ZFAND3: variants seen among roughly 807,000 people sequenced by gnomAD.
The protein encoded by ZFAND3 is zinc finger AN1-type containing 3.
A neutral mutation model predicts 29.6 loss-of-function variants in ZFAND3; 10 were observed. The observed-to-expected ratio is 0.34, with a 90% CI of 0.21 to 0.57. The LOEUF is 0.57. Ranked by LOEUF, ZFAND3 falls within the 20% of genes least tolerant of loss-of-function variation. The pLI, the probability that ZFAND3 is intolerant of heterozygous loss-of-function variation, is 0.86. For synonymous variants in ZFAND3, 128 were observed against 112.6 expected, an observed-to-expected ratio of 1.14 and a Z score of -0.87; for missense variants, 230 against 304.5, an observed-to-expected ratio of 0.76 and a Z score of 1.82.
chr6:37,962,613 C>T (rs1285637820), intron 2 of ZFAND3, among the ~76,000 whole-genome samples: 1 of 151,720 alleles, frequency 6.6e-6, no homozygotes, highest in Non-Finnish European at 1.5e-5. Context: ...CAGCAATCAG[C>T]ACTCTGTAAA....
intron 2 of ZFAND3, among the ~76,000 whole-genome samples, chr6:38,030,522 T>C (rs1343645010): frequency 6.6e-6 from 1 of 152,028 alleles, no homozygotes; most frequent in Non-Finnish European, 1.5e-5. Context: ...TACCCCAAAC[T>C]AAAGTATTCA....
intron 1 of ZFAND3, among the ~76,000 whole-genome samples, chr6:37,874,125 A>G (rs773011325): frequency 1.3e-5 from 2 of 152,114 alleles, no homozygotes; most frequent in African/African-American, 4.8e-5. Context: ...TGAAGGAAGG[A>G]TGTTTTCCAG....
chr6:37,977,880 C>T (rs1335251205), intron 2 of ZFAND3, among the ~76,000 whole-genome samples: 2 of 136,976 alleles, frequency 1.5e-5, no homozygotes, highest in Non-Finnish European at 3.2e-5. Flanking sequence ...TTCCTTCTTC[C>T]TTCCTTTCTC....
chr6:37,965,999 G>A (rs1384508960), intron 2 of ZFAND3, among the ~76,000 whole-genome samples: 1 of 152,144 alleles, frequency 6.6e-6, no homozygotes, highest in African/African-American at 2.4e-5. Context: ...CTGGGCTCAA[G>A]GAATCCTCCT....
At chr6:37,831,432 TTG>T (rs1763859166) in intron 1 of ZFAND3, among the ~76,000 whole-genome samples, 2 of 152,252 alleles carry the variant, frequency 1.3e-5, no homozygotes, top group Admixed American at 1.3e-4. Context: ...AAGCACTCTA[TTG>T]TGTGTCTTGA....
chr6:37,872,167 C>T (rs114415721), intron 1 of ZFAND3, among the ~76,000 whole-genome samples: 9,713 of 152,286 alleles, frequency 0.064, 434 homozygotes, highest in Non-Finnish European at 0.093. Flanking sequence ...GATTCTATTA[C>T]CTAACGTGGC....
intron 2 of ZFAND3, among the ~76,000 whole-genome samples, chr6:38,058,279 C>T (rs760149640): frequency 1.3e-5 from 2 of 152,128 alleles, no homozygotes; most frequent in Non-Finnish European, 2.9e-5. Flanking sequence ...TCAGTTCTTT[C>T]AGGATCATAT....
chr6:37,819,824 G>A lies in ZFAND3; in HGVS notation c.-122G>A, dbSNP rs1487226800. On this transcript the variant is annotated 5_prime_UTR_variant, in exon 1 of 6. Transcript: ENST00000287218. ...CGGACTCGCGCCCGCCCGCGCGCCC[G>A]CTCCTTCCCCCTCCCCCCGCCCCGA... 7 of 617,864 alleles carry A rather than the reference G, an allele frequency of 1.1e-5. No individual in the cohort carries two copies. Among genetic ancestry groups the A allele is most frequent in the Non-Finnish European group, 1.5e-5 (7 of 472,886 alleles). The allele number at this position is 617,864 out of a possible 1,614,324, so 38.3% of individuals were successfully genotyped here. A position where few individuals can be genotyped will look rare whatever the true frequency, so the allele number is the denominator to read the frequency against.
In ZFAND3 at chr6:38,152,425, G is replaced by C. The variant is rs1271808816; in HGVS notation, c.*36G>C. ...TGGCCACCACGTGACGCTGTTCTTA[G>C]TTCACTAATGTTAGCCTTATTTAGG... On this transcript the variant is annotated 3_prime_UTR_variant, in exon 6 of 6. Transcript: ENST00000287218. 3 of 1,514,460 alleles carry C rather than the reference G, an allele frequency of 2.0e-6. No individual in the cohort carries two copies. The highest frequency in any genetic ancestry group is 1.4e-5 in the African/African-American group (1 of 71,566). The allele number at this position is 1,514,460 out of a possible 1,614,324, so 93.8% of individuals were successfully genotyped here.
intron 1 of ZFAND3, among the ~76,000 whole-genome samples, chr6:37,902,989 G>C (rs1765347800): frequency 6.6e-6 from 1 of 152,038 alleles, no homozygotes; most frequent in Non-Finnish European, 1.5e-5. Flanking sequence ...GTAACATAAA[G>C]CTGGAAAATT....
intron 2 of ZFAND3, among the ~76,000 whole-genome samples, chr6:37,943,664 A>T (rs1761850429): frequency 6.6e-6 from 1 of 152,192 alleles, no homozygotes; most frequent in South Asian, 2.1e-4. Flanking sequence ...ATTTGTAAAC[A>T]CTGGTTTTGC....
At chr6:38,075,203 T>C (rs1166275733) in intron 3 of ZFAND3, among the ~76,000 whole-genome samples, 1 of 152,196 alleles carries the variant, frequency 6.6e-6, no homozygotes, top group Non-Finnish European at 1.5e-5. Context: ...CTGCCATAGA[T>C]ACTGATTCCT....
At chr6:37,872,338 A>C (rs1157001994) in intron 1 of ZFAND3, among the ~76,000 whole-genome samples, 1 of 152,130 alleles carries the variant, frequency 6.6e-6, no homozygotes, top group African/African-American at 2.4e-5. Flanking sequence ...TCCAGAGTTT[A>C]TGGTTTTTAC....
intron 4 of ZFAND3, among the ~76,000 whole-genome samples, chr6:38,083,135 G>A (rs1351002169): frequency 6.6e-6 from 1 of 152,048 alleles, no homozygotes; most frequent in Non-Finnish European, 1.5e-5. Context: ...TAATTATATT[G>A]TTTTTCTAAA....
At chr6:37,975,832 T>C (rs994765038) in intron 2 of ZFAND3, among the ~76,000 whole-genome samples, 3 of 152,242 alleles carry the variant, frequency 2.0e-5, no homozygotes, top group Non-Finnish European at 4.4e-5. Flanking sequence ...ATCCTTCAAC[T>C]TTATTTTCAG....
At chr6:37,987,529 TGTA>T (rs759346786) in intron 2 of ZFAND3, among the ~76,000 whole-genome samples, 1 of 152,224 alleles carries the variant, frequency 6.6e-6, no homozygotes, top group Non-Finnish European at 1.5e-5. Context: ...AATCTAAAAA[TGTA>T]GTAGGCATCT....
chr6:38,043,791 T>C (rs983374225), intron 2 of ZFAND3, among the ~76,000 whole-genome samples: 1 of 149,096 alleles, frequency 6.7e-6, no homozygotes, highest in East Asian at 1.9e-4. Flanking sequence ...CTTGCTTGCT[T>C]GCTCGCTTGC....
intron 5 of ZFAND3, among the ~76,000 whole-genome samples, chr6:38,117,583 T>C (rs553070975): frequency 2.9e-4 from 44 of 152,366 alleles, no homozygotes; most frequent in Non-Finnish European, 4.1e-4. Flanking sequence ...TAAAACCTAA[T>C]ATTATAAAAT....
intron 3 of ZFAND3, among the ~76,000 whole-genome samples, chr6:38,074,592 G>A (rs907316079): frequency 6.6e-6 from 1 of 152,234 alleles, no homozygotes; most frequent in African/African-American, 2.4e-5. Context: ...CTCCATAAAA[G>A]TGCAAGGTGA....
Sources: gnomAD v4.1 joint callset for allele counts (sites outside exome capture counted in the v4.1 genomes callset) on GRCh38, gnomAD v4.1.1 for gene constraint, MANE v1.5 for transcripts, NCBI Gene and HGNC (gene_info 2026-07-23, HGNC 2026-07-21) for gene names.